Variants in COL21A1 observed in about 807,000 individuals in gnomAD.
COL21A1 encodes collagen type XXI alpha 1 chain.
In COL21A1, 149 loss-of-function variants were observed where a neutral mutation model predicts 137.9. That is an observed-to-expected ratio of 1.08 (90% CI 0.95 to 1.24). COL21A1 has a LOEUF of 1.24. Ranked by LOEUF, COL21A1 falls within the 50% of genes most tolerant of loss-of-function variation. The pLI, the probability that COL21A1 is intolerant of heterozygous loss-of-function variation, is 0.00. For missense variants in COL21A1, 1,167 were observed against 1,158.4 expected (o/e 1.01, Z -0.11); for synonymous variants, 456 against 391.5 (o/e 1.16, Z -1.95).
chr6:56,234,003 C>T (rs1781747643), intron 1 of COL21A1, among the ~76,000 whole-genome samples: 1 of 151,736 alleles, frequency 6.6e-6, no homozygotes, highest in Admixed American at 6.6e-5. Context: ...AGGATTATAA[C>T]TTCCAGAGAT....
intron 1 of COL21A1, among the ~76,000 whole-genome samples, chr6:56,310,327 C>T (rs138028836): frequency 2.0e-5 from 3 of 152,236 alleles, no homozygotes; most frequent in Admixed American, 2.0e-4. Flanking sequence ...CAACACCAGC[C>T]GCACATTGGA....
chr6:56,238,392 GAGAAGGC>G (rs1782047338), intron 1 of COL21A1, among the ~76,000 whole-genome samples: 1 of 146,120 alleles, frequency 6.8e-6, no homozygotes, highest in Non-Finnish European at 1.5e-5. Context: ...GGCACCTGCT[GAGAAGGC>G]AGTGGATGCT....
intron 1 of COL21A1, among the ~76,000 whole-genome samples, chr6:56,384,685 T>A (rs1201846433): frequency 6.6e-6 from 1 of 151,790 alleles, no homozygotes; most frequent in African/African-American, 2.4e-5. Context: ...CAGGGCAAAT[T>A]TTTTTTTTCT....
At chr6:56,195,823 CT>C (rs1483738165) in intron 1 of COL21A1, among the ~76,000 whole-genome samples, 22 of 152,050 alleles carry the variant, frequency 1.4e-4, no homozygotes, top group African/African-American at 5.3e-4. Flanking sequence ...AATGCCAATT[CT>C]CCCCAAACTC....
chr6:56,078,529 A>T (rs1292150469), intron 17 of COL21A1, among the ~76,000 whole-genome samples: 1 of 151,648 alleles, frequency 6.6e-6, no homozygotes, highest in Non-Finnish European at 1.5e-5. Context: ...CTCTTCAGTA[A>T]ATCACAGCAG....
rs147693503 is a variant in COL21A1 at position 56,178,400 on chromosome 6, C to T, written c.640+1178G>A. Among the ~76,000 whole-genome samples the T allele has an allele frequency of 1.4e-3, 216 of 152,066 alleles. 1 individual carries two copies. Among genetic ancestry groups the T allele is most frequent in the South Asian group, 0.013 (61 of 4,826 alleles). ...TTATTTAAAGTTTCATGGAAGAAGACGTTTAATTTTCTATATTCTCTTAAA... is the reference window on the plus strand; with the variant it reads ...TTATTTAAAGTTTCATGGAAGAAGATGTTTAATTTTCTATATTCTCTTAAA... On this transcript the variant is annotated intron_variant, in intron 3 of 29. Transcript: ENST00000244728.
At chr6:56,078,303 C>A (rs62404861) in intron 17 of COL21A1, 64,770 of 441,646 alleles carry the variant, frequency 0.15, 4,974 homozygotes, top group Middle Eastern at 0.17. Flanking sequence ...ATTTACCCAA[C>A]ATGATCATTT....
intron 1 of COL21A1, among the ~76,000 whole-genome samples, chr6:56,323,811 A>G (rs1319282744): frequency 6.6e-6 from 1 of 152,150 alleles, no homozygotes; most frequent in Non-Finnish European, 1.5e-5. Flanking sequence ...TTACTTAAGC[A>G]TTCGGTGACT....
At position 56,179,791 on chromosome 6, in the gene COL21A1, T is replaced by A; in HGVS notation, c.427A>T (p.Thr143Ser). ...ACGTCATCTTGGGATTTGCCATCCG[T>A]AAGTACCACTGCTATCTTAGTCAGA... ...RFLTKIAVVLTDGKSQDDVKD... is the reference protein window; with the variant it reads ...RFLTKIAVVLSDGKSQDDVKD... Residue 143 changes from threonine to serine, a missense_variant, in exon 3 of 30, where the codon ACG becomes TCG. Physicochemically the swap from Thr to Ser is moderately conservative, Grantham distance 58. Transcript: ENST00000244728. 6.2e-7 allele frequency: 1 copy of A among 1,613,942 alleles called. No individual in the cohort carries two copies. The highest frequency in any genetic ancestry group is 8.5e-7 in the Non-Finnish European group (1 of 1,179,822).
intron 16 of COL21A1, among the ~76,000 whole-genome samples, chr6:56,120,618 G>A (rs543222985): frequency 6.6e-5 from 10 of 151,994 alleles, no homozygotes; most frequent in Non-Finnish European, 8.8e-5. Flanking sequence ...CCAACATGCC[G>A]AAATGTCTCT....
intron 1 of COL21A1, among the ~76,000 whole-genome samples, chr6:56,219,586 C>T (rs1186968426): frequency 6.6e-6 from 1 of 152,060 alleles, no homozygotes; most frequent in South Asian, 2.1e-4. Flanking sequence ...AATAAATAAA[C>T]ATGATCTGGT....
At chr6:56,258,511 A>T (rs1763169667) in intron 1 of COL21A1, among the ~76,000 whole-genome samples, 1 of 152,050 alleles carries the variant, frequency 6.6e-6, no homozygotes, top group Non-Finnish European at 1.5e-5. Flanking sequence ...ATTACAAGGG[A>T]AGCCTCGGAG....
chr6:56,170,886 G>A (rs748510824), intron 4 of COL21A1, 21 bp from the exon 5 acceptor site: 3 of 1,602,946 alleles, frequency 1.9e-6, no homozygotes, highest in Non-Finnish European at 2.6e-6. Context: ...AAGAGCAAGT[G>A]TAAGCTTAAA....
intron 1 of COL21A1, among the ~76,000 whole-genome samples, chr6:56,236,775 A>C (rs1410509022): frequency 6.6e-6 from 1 of 151,982 alleles, no homozygotes; most frequent in Non-Finnish European, 1.5e-5. Flanking sequence ...TCAATCTACT[A>C]AGTACCTAAT....
chr6:56,217,184 A>C (rs547704260), intron 1 of COL21A1, among the ~76,000 whole-genome samples: 10 of 152,214 alleles, frequency 6.6e-5, no homozygotes, highest in African/African-American at 2.4e-4. Context: ...TTTTTAATTA[A>C]AATTTCTGTA....
intron 1 of COL21A1, among the ~76,000 whole-genome samples, chr6:56,278,496 C>A (rs1234487106): frequency 6.6e-6 from 1 of 152,190 alleles, no homozygotes; most frequent in East Asian, 1.9e-4. Flanking sequence ...CCCCACCATT[C>A]CCCAAATGAG....
chr6:56,159,634 C>CTTTT (rs11449474), intron 9 of COL21A1, among the ~76,000 whole-genome samples: 4 of 123,566 alleles, frequency 3.2e-5, no homozygotes, highest in African/African-American at 6.1e-5. Context: ...CCTGGCCTTA[C>CTTTT]TTTTTTTTTT....
intron 1 of COL21A1, among the ~76,000 whole-genome samples, chr6:56,359,400 C>T (rs1195424244): frequency 6.6e-6 from 1 of 152,154 alleles, no homozygotes; most frequent in South Asian, 2.1e-4. Flanking sequence ...CTGTGTTGTT[C>T]AGATGATTAC....
chr6:56,263,265 A>T (rs1292830285), intron 1 of COL21A1, among the ~76,000 whole-genome samples: 2 of 152,230 alleles, frequency 1.3e-5, no homozygotes, highest in Admixed American at 6.5e-5. Flanking sequence ...CAAAGAAATT[A>T]ATATGAAGGA....
Sources: gnomAD v4.1 joint callset for allele counts (sites outside exome capture counted in the v4.1 genomes callset) on GRCh38, gnomAD v4.1.1 for gene constraint, MANE v1.5 for transcripts, NCBI Gene and HGNC (gene_info 2026-07-23, HGNC 2026-07-21) for gene names.